AFAP1L2: variants seen among roughly 807,000 people sequenced by gnomAD.
The protein encoded by AFAP1L2 is actin filament-associated protein 1-like 2.
Under a neutral mutation model 99.3 loss-of-function variants are expected in AFAP1L2, and 46 were observed. The ratio of observed to expected loss-of-function variants is 0.46; its 90% CI spans 0.37 to 0.59. AFAP1L2 has a LOEUF of 0.59. AFAP1L2 is among the 20% of genes least tolerant of loss of function. The pLI is 0.00. For missense variants in AFAP1L2, 959 were observed against 1,034.9 expected (o/e 0.93, Z 1.01); for synonymous variants, 397 against 419.1 (o/e 0.95, Z 0.64).
chr10:114,348,036 T>C (rs2049868549), intron 1 of AFAP1L2, among the ~76,000 whole-genome samples: 1 of 152,196 alleles, frequency 6.6e-6, no homozygotes, highest in Admixed American at 6.5e-5. Flanking sequence ...GATTTGCCTA[T>C]TCTGGGTATT....
At chr10:114,325,110 G>A (rs973372872) in intron 4 of AFAP1L2, among the ~76,000 whole-genome samples, 5 of 152,194 alleles carry the variant, frequency 3.3e-5, no homozygotes, top group African/African-American at 7.2e-5. Flanking sequence ...ATTTCAATCC[G>A]GGCTTCAGGA....
chr10:114,307,734 T>A, intron 10 of AFAP1L2, 71 bp downstream of exon 10: 1 of 1,344,568 alleles, frequency 7.4e-7, no homozygotes, highest in South Asian at 1.2e-5. Context: ...CTTCGCTGTC[T>A]GAGCTCGCCT....
At chr10:114,286,289 G>A in the AFAP1L2 span, 2 of 1,610,400 alleles carry the variant, frequency 1.2e-6, no homozygotes, top group Non-Finnish European at 1.7e-6. Flanking sequence ...TAGAGTGGTG[G>A]TTTTGCTCAC....
At chr10:114,280,733 A>G in the AFAP1L2 span, 1 of 152,072 alleles carries the variant, frequency 6.6e-6, no homozygotes, top group Non-Finnish European at 1.5e-5. Context: ...AGTTTGGCAA[A>G]CTTTGTTTTT....
Position 114,313,904 on chromosome 10 carries a change from C to T in AFAP1L2, c.759G>A (p.Leu253=), listed in dbSNP as rs1274900111. The T allele has an allele frequency of 2.7e-5, 44 of 1,613,448 alleles. No individual in the cohort carries two copies. The highest frequency in any genetic ancestry group is 3.6e-5 in the Non-Finnish European group (43 of 1,179,670). Residue 253 remains leucine, a synonymous_variant, in exon 7 of 19, where the codon CTG becomes CTA. Coordinates refer to ENST00000304129, the MANE Select transcript of AFAP1L2 (RefSeq NM_001001936.3). The stretch of plus-strand genomic sequence containing the variant: ...ACTGCTCAGCCTGGTCCTTGCTCTG[C>T]AGGCCCAGCACAATCACATCGGCAT... ...PMNADVIVLG[L]QSKDQAEQWL...
chr10:114,394,646 G>C (rs1219489916), intron 1 of AFAP1L2, among the ~76,000 whole-genome samples: 1 of 152,122 alleles, frequency 6.6e-6, no homozygotes, highest in Non-Finnish European at 1.5e-5. Flanking sequence ...GAGAGAGGGA[G>C]GGAGGAAGCA....
At chr10:114,341,200 A>T (rs57770163) in intron 1 of AFAP1L2, among the ~76,000 whole-genome samples, 4,597 of 152,278 alleles carry the variant, frequency 0.03, 234 homozygotes, top group African/African-American at 0.1. Flanking sequence ...TCTTAAGTCT[A>T]TTAGGTCAAA....
At chr10:114,300,895 C>G (rs1270273095) in intron 13 of AFAP1L2, among the ~76,000 whole-genome samples, 1 of 152,156 alleles carries the variant, frequency 6.6e-6, no homozygotes, top group Non-Finnish European at 1.5e-5. Flanking sequence ...TTCCCTGAAC[C>G]TTATTTCCTC....
chr10:114,284,959 A>G, the AFAP1L2 span: 1 of 1,599,554 alleles, frequency 6.3e-7, no homozygotes, highest in East Asian at 2.3e-5. Context: ...TTTGGAGGGG[A>G]GGCTAACTGT....
chr10:114,372,218 C>T (rs1426422263), intron 1 of AFAP1L2, among the ~76,000 whole-genome samples: 1 of 152,226 alleles, frequency 6.6e-6, no homozygotes, highest in Non-Finnish European at 1.5e-5. Flanking sequence ...ACTGCTGGTC[C>T]AGTCCCTTGG....
In AFAP1L2 at chr10:114,300,300, C is replaced by T. The variant is rs1251647161; in HGVS notation, c.1851G>A (p.Thr617=). ...SLRITTVKIQ[T]EQQRISFPPS... ...GTGGGAAGGAGATTCTCTGCTGTTC[C>T]GTCTGGATTTTGACGGTGGTGATTC... Residue 617 remains threonine (T), a synonymous_variant, in exon 15 of 19, where the codon ACG becomes ACA. Coordinates refer to ENST00000304129, the MANE Select transcript of AFAP1L2 (RefSeq NM_001001936.3). 1.7e-5 allele frequency: 28 copies of T among 1,614,024 alleles called. No homozygotes were observed. The highest frequency in any genetic ancestry group is 2.7e-5 in the African/African-American group (2 of 74,918).
chr10:114,294,444 G>A (rs536593059), downstream of AFAP1L2, among the ~76,000 whole-genome samples: 12 of 152,112 alleles, frequency 7.9e-5, no homozygotes, highest in East Asian at 7.7e-4. Flanking sequence ...TAATGAACCC[G>A]ATTTTGATTT....
In AFAP1L2 at chr10:114,295,579, GATGGTTTA is replaced by G; in HGVS notation, c.*455_*462del. 1 of 987,320 alleles carries G rather than the reference GATGGTTTA, an allele frequency of 1.0e-6. No homozygotes were observed. The highest frequency in any genetic ancestry group is 1.2e-6 in the Non-Finnish European group (1 of 831,272). The allele number at this position is 987,320 out of a possible 1,614,324, so 61.2% of individuals were successfully genotyped here. The stretch of plus-strand genomic sequence containing the variant: ...AATATTGGAGAGAACTGAAGGCAAG[GATGGTTTA>G]ATCCCCAACTGCTAAGTATTGGATA... On this transcript the variant is annotated 3_prime_UTR_variant, in exon 19 of 19. Transcript: ENST00000304129.
chr10:114,288,148 C>G, the AFAP1L2 span, among the ~76,000 whole-genome samples: 2 of 152,226 alleles, frequency 1.3e-5, no homozygotes, highest in African/African-American at 4.8e-5. Context: ...TCTCTGCATC[C>G]CCTGCACAGG....
intron 1 of AFAP1L2, among the ~76,000 whole-genome samples, chr10:114,360,505 ATAGT>A (rs57739115): frequency 0.1 from 10,766 of 103,064 alleles, 430 homozygotes; most frequent in African/African-American, 0.16. Flanking sequence ...AGATAGATAG[ATAGT>A]TAGATAGATA....
intron 4 of AFAP1L2, among the ~76,000 whole-genome samples, chr10:114,328,960 C>T (rs1350590220): frequency 6.6e-6 from 1 of 152,192 alleles, no homozygotes; most frequent in East Asian, 1.9e-4. Flanking sequence ...AGTCCACACC[C>T]GTCTCTGGTC....
intron 15 of AFAP1L2, 128 bp downstream of exon 15, chr10:114,300,066 T>C (rs2040869530): frequency 7.5e-7 from 1 of 1,327,380 alleles, no homozygotes; most frequent in Non-Finnish European, 1.0e-6. Context: ...CTTGACCTTG[T>C]GATCGTGTGA....
At chr10:114,307,776 G>A (rs371036464) in intron 10 of AFAP1L2, 29 bp downstream of exon 10, 106 of 1,590,878 alleles carry the variant, frequency 6.7e-5, no homozygotes, top group Middle Eastern at 1.7e-4. Flanking sequence ...AAATGAGCCT[G>A]TGGTCCCGGA....
chr10:114,355,000 C>T, intron 1 of AFAP1L2, among the ~76,000 whole-genome samples: 1 of 152,172 alleles, frequency 6.6e-6, no homozygotes, highest in East Asian at 1.9e-4. Context: ...TTTTCAAGGT[C>T]ATACAATGGC....
Sources: gnomAD v4.1 joint callset for allele counts (sites outside exome capture counted in the v4.1 genomes callset) on GRCh38, gnomAD v4.1.1 for gene constraint, MANE v1.5 for transcripts, NCBI Gene and HGNC (gene_info 2026-07-23, HGNC 2026-07-21) for gene names.